FIGN: variants seen among roughly 807,000 people sequenced by gnomAD.
The protein encoded by FIGN is fidgetin.
A neutral mutation model predicts 51.3 loss-of-function variants in FIGN; 11 were observed. The observed-to-expected ratio is 0.21, with a 90% CI of 0.13 to 0.35. The LOEUF (loss-of-function observed/expected upper bound fraction) is 0.35, where lower values mean the gene tolerates loss of function less well. Among genes scored for constraint, FIGN ranks in the 10% least tolerant of loss-of-function variants. The pLI is 1.00. For synonymous variants in FIGN, 407 were observed against 363.2 expected (o/e 1.12, Z -1.37); for missense variants, 857 against 943.6 (o/e 0.91, Z 1.20).
At chr2:163,708,847 A>C (rs927463907) in intron 2 of FIGN, among the ~76,000 whole-genome samples, 2 of 152,174 alleles carry the variant, frequency 1.3e-5, no homozygotes, top group Non-Finnish European at 2.9e-5. Context: ...TACTACCCCA[A>C]GTAAGGAAGT....
intron 2 of FIGN, among the ~76,000 whole-genome samples, chr2:163,660,797 A>ACATATACATATATAT (rs1683649866): frequency 1.0e-5 from 1 of 98,304 alleles, no homozygotes; most frequent in African/African-American, 3.9e-5. Flanking sequence ...ATATGTATAT[A>ACATATACATATATAT]GATATACATA....
intron 2 of FIGN, among the ~76,000 whole-genome samples, chr2:163,695,641 C>T (rs559744527): frequency 6.6e-6 from 1 of 152,308 alleles, no homozygotes; most frequent in South Asian, 2.1e-4. Flanking sequence ...CAGGTATGAA[C>T]TGTGACCATC....
chr2:163,699,999 G>A (rs1044906864), intron 2 of FIGN, among the ~76,000 whole-genome samples: 16 of 152,032 alleles, frequency 1.1e-4, no homozygotes, highest in African/African-American at 3.4e-4. Context: ...CTGACTGTAT[G>A]AAATTATGAT....
chr2:163,648,615 ATATCAGGCCACTGCTT>A, intron 2 of FIGN, among the ~76,000 whole-genome samples: 1 of 152,224 alleles, frequency 6.6e-6, no homozygotes, highest in East Asian at 1.9e-4. Flanking sequence ...TGAATCAGGA[ATATCAGGCCACTGCTT>A]TATAATGTAA....
chr2:163,661,187 T>A (rs1047792762), intron 2 of FIGN, among the ~76,000 whole-genome samples: 14 of 150,826 alleles, frequency 9.3e-5, no homozygotes, highest in Non-Finnish European at 1.3e-4. Context: ...CCTGGCTAGA[T>A]TTTTTTAAAA....
rs1691266679 is a variant in FIGN, at chr2:163,611,745, G to A, written c.87C>T (p.Thr29=). 2.5e-6 allele frequency: 4 copies of A among 1,614,100 alleles called. No homozygotes were observed. The highest frequency in any genetic ancestry group is 4.5e-5 in the East Asian group (2 of 44,860). ...TGTGGGCAGGAGACCGAGTGGTTGA[G>A]GTGATGTCAAAGTGCTGTTCTGGCC... is the stretch of plus-strand genomic sequence containing the variant. ...AQWPEQHFDI[T]STTRSPAHKV... is the part of the protein sequence containing the mutation. The change falls in exon 3 of 3, where the codon ACC becomes ACT. Residue 29 remains threonine (T), a synonymous_variant. Transcript: ENST00000333129.
At chr2:163,662,835 G>C (rs1200230553) in intron 2 of FIGN, among the ~76,000 whole-genome samples, 2 of 152,220 alleles carry the variant, frequency 1.3e-5, no homozygotes, top group African/African-American at 4.8e-5. Context: ...TATTGTGATA[G>C]TGAATTAAGT....
chr2:163,719,603 T>G (rs1281235398), intron 2 of FIGN, among the ~76,000 whole-genome samples: 2 of 152,196 alleles, frequency 1.3e-5, no homozygotes, highest in African/African-American at 2.4e-5. Flanking sequence ...ATATGTAAAA[T>G]TTCTGCACAG....
chr2:163,682,588 G>C (rs1000288906), intron 2 of FIGN, among the ~76,000 whole-genome samples: 3 of 152,200 alleles, frequency 2.0e-5, no homozygotes, highest in African/African-American at 7.2e-5. Flanking sequence ...TACAGTCATG[G>C]CTTATAAGGA....
intron 2 of FIGN, among the ~76,000 whole-genome samples, chr2:163,692,503 G>A (rs1461668800): frequency 2.0e-5 from 3 of 152,130 alleles, no homozygotes; most frequent in Non-Finnish European, 4.4e-5. Flanking sequence ...AAATGAAACA[G>A]TCCAAATTGA....
chr2:163,699,740 G>T (rs1157692613), intron 2 of FIGN, among the ~76,000 whole-genome samples: 2 of 152,102 alleles, frequency 1.3e-5, no homozygotes, highest in East Asian at 1.9e-4. Context: ...GTGAATTTTT[G>T]AATAGAAGAG....
intron 2 of FIGN, among the ~76,000 whole-genome samples, chr2:163,678,961 T>G (rs1175042488): frequency 6.6e-6 from 1 of 152,220 alleles, no homozygotes; most frequent in East Asian, 1.9e-4. Context: ...TGGTCTATGA[T>G]TTTATCATTA....
chr2:163,632,281 A>C (rs1225674324), intron 2 of FIGN, among the ~76,000 whole-genome samples: 1 of 152,250 alleles, frequency 6.6e-6, no homozygotes, highest in Non-Finnish European at 1.5e-5. Context: ...ACACCTGGAA[A>C]GCGTGGGTTC....
At chr2:163,618,995 T>C (rs1682925709) in intron 2 of FIGN, among the ~76,000 whole-genome samples, 1 of 152,192 alleles carries the variant, frequency 6.6e-6, no homozygotes, top group South Asian at 2.1e-4. Flanking sequence ...GATAACTTTC[T>C]TATTGATACA....
intron 2 of FIGN, among the ~76,000 whole-genome samples, chr2:163,723,187 T>A (rs576578761): frequency 1.3e-4 from 19 of 151,736 alleles, no homozygotes; most frequent in Non-Finnish European, 2.2e-4. Context: ...CAAGACTCCG[T>A]CTCAAAAATA....
chr2:163,639,161 T>G (rs1245932466), intron 2 of FIGN, among the ~76,000 whole-genome samples: 1 of 152,180 alleles, frequency 6.6e-6, no homozygotes, highest in Non-Finnish European at 1.5e-5. Flanking sequence ...CTGATAAAAG[T>G]TATTATAGTG....
intron 2 of FIGN, among the ~76,000 whole-genome samples, chr2:163,694,491 G>C (rs1323839247): frequency 2.6e-5 from 4 of 152,180 alleles, no homozygotes; most frequent in African/African-American, 9.7e-5. Context: ...GCAAGAAGGA[G>C]GGTGTGAGGG....
intron 2 of FIGN, among the ~76,000 whole-genome samples, chr2:163,661,497 A>C (rs767510266): frequency 1.6e-4 from 25 of 151,814 alleles, no homozygotes; most frequent in Non-Finnish European, 2.5e-4. Flanking sequence ...CCCAGGTTCA[A>C]ATGATTCTCC....
intron 2 of FIGN, among the ~76,000 whole-genome samples, chr2:163,688,394 G>T (rs1188357755): frequency 6.6e-6 from 1 of 152,188 alleles, no homozygotes; most frequent in Admixed American, 6.5e-5. Context: ...TGGTGGAAAA[G>T]ATTAGAAGTG....
Sources: allele counts gnomAD v4.1 joint callset (sites outside exome capture counted in the v4.1 genomes callset), GRCh38; gene constraint gnomAD v4.1.1; transcripts MANE v1.5; gene names NCBI Gene and HGNC (gene_info 2026-07-23, HGNC 2026-07-21).